Variants in APOL5 observed in about 807,000 individuals in gnomAD.
The protein encoded by APOL5 is apolipoprotein L5.
In APOL5, 29 loss-of-function variants were observed where a neutral mutation model predicts 35.5. That is an observed-to-expected ratio of 0.82 (90% CI 0.61 to 1.11). The LOEUF (loss-of-function observed/expected upper bound fraction) is 1.11, where lower values mean the gene tolerates loss of function less well. APOL5 is among the 50% of genes most tolerant of loss of function. APOL5 has a pLI of 0.00. For missense variants in APOL5, 514 were observed against 530.4 expected, an observed-to-expected ratio of 0.97 and a Z score of 0.30; for synonymous variants, 188 against 200.2, an observed-to-expected ratio of 0.94 and a Z score of 0.51.
the APOL5 span, among the ~76,000 whole-genome samples, chr22:35,711,010 TA>T: frequency 4.7e-4 from 72 of 151,930 alleles, no homozygotes; most frequent in African/African-American, 1.7e-3. Context: ...CTATTAAAAA[TA>T]AAAAAATATT....
At chr22:35,720,277 C>T (rs768167707) in intron 1 of APOL5, among the ~76,000 whole-genome samples, 11 of 152,312 alleles carry the variant, frequency 7.2e-5, no homozygotes, top group South Asian at 2.1e-4. Context: ...TAACGTATAA[C>T]GTCAACATTT....
At chr22:35,717,512 G>A (rs1237602356), upstream of APOL5, among the ~76,000 whole-genome samples, 7 of 151,140 alleles carry the variant, frequency 4.6e-5, no homozygotes, top group Admixed American at 4.6e-4. Flanking sequence ...GGCCAAGGCG[G>A]GCGGATCACC....
chr22:35,711,045 C>T, the APOL5 span, among the ~76,000 whole-genome samples: 5 of 152,126 alleles, frequency 3.3e-5, no homozygotes, highest in Admixed American at 2.0e-4. Context: ...GGCACATGCC[C>T]GTAATCCCCA....
upstream of APOL5, among the ~76,000 whole-genome samples, chr22:35,716,686 T>C (rs1926754132): frequency 1.3e-5 from 2 of 152,306 alleles, no homozygotes; most frequent in East Asian, 1.9e-4. Flanking sequence ...GAGCTAAGCC[T>C]GTTCACATTT....
intron 1 of APOL5, 95 bp from the exon 2 acceptor site, chr22:35,720,473 T>C: frequency 1.0e-6 from 1 of 972,504 alleles, no homozygotes; most frequent in Non-Finnish European, 1.6e-6. Flanking sequence ...TCTCCAATAT[T>C]GTAATTAGAC....
In APOL5 at chr22:35,728,747, C is replaced by T. The variant is rs774540854; in HGVS notation, c.1151C>T (p.Pro384Leu). The change falls in exon 4 of 5, where the codon CCT becomes CTT. Residue 384 changes from proline to leucine, a missense_variant. This residue lies in a region of APOL5 where 238 missense variants were observed against 229.1 expected (regional missense o/e 1.04). Transcript: ENST00000249044. ...GGGTCTCGCTCACCTCTCCCCTGGC[C>T]TGTTGTGGAGCACCAGCCTAGGCTG... The part of the protein sequence containing the change: ...PEGSRSPLPW[P>L]VVEHQPRLGP... 5.5e-5 allele frequency: 89 copies of T among 1,612,992 alleles called. No homozygotes were observed. Among genetic ancestry groups the T allele is most frequent in the Non-Finnish European group, 7.5e-5 (89 of 1,179,550 alleles).
chr22:35,710,970 C>T, the APOL5 span, among the ~76,000 whole-genome samples: 2 of 152,180 alleles, frequency 1.3e-5, no homozygotes, highest in Admixed American at 1.3e-4. Flanking sequence ...AGTTCAAGGC[C>T]AGACTGGCCA....
At chr22:35,720,434 T>G in intron 1 of APOL5, 134 bp from the exon 2 acceptor site, 2 of 673,538 alleles carry the variant, frequency 3.0e-6, no homozygotes, top group Non-Finnish European at 5.0e-6. Context: ...GACATTAAGA[T>G]TTTTGTTGTA....
rs1489097064 is a variant in APOL5 at position 35,727,068 on chromosome 22, A to G, written c.1000A>G (p.Lys334Glu). The change falls in exon 3 of 5, where the codon AAG (lysine) becomes GAG (glutamate). Residue 334 changes from lysine to glutamate, a missense_variant. Around this residue, in one of 3 missense-constraint regions of APOL5, gnomAD observed 238 missense variants for 229.1 expected, o/e 1.04. Coordinates refer to ENST00000249044, the MANE Select transcript of APOL5 (RefSeq NM_030642.1). ...AGCAGAGGAACTGAGAGCACTTGCT[A>G]AGAAGCTGGAGCAGGAGCTGGACCG... ...ETAEELRALAKKLEQELDRLT... is the reference protein window; with the variant it reads ...ETAEELRALAEKLEQELDRLT... 5.0e-6 allele frequency: 8 copies of G among 1,613,460 alleles called. No homozygotes were observed. The highest frequency in any genetic ancestry group is 4.0e-5 in the African/African-American group (3 of 74,934).
intron 4 of APOL5, 133 bp downstream of exon 4, chr22:35,729,037 C>T (rs1927277670): frequency 4.0e-6 from 4 of 1,008,552 alleles, no homozygotes; most frequent in South Asian, 2.0e-5. Context: ...CCTTTCCATC[C>T]GGCCACCTGC....
At position 35,726,451 on chromosome 22, in the gene APOL5, A is replaced by T. The variant is rs572539048; in HGVS notation, c.383A>T (p.Asp128Val). The T allele has an allele frequency of 6.8e-6, 11 of 1,614,180 alleles. No individual in the cohort carries two copies. In the South Asian group the frequency reaches 8.8e-5, roughly 13 times the overall value. ...CTTAACACCCTTGCGGACCAAGTTG[A>T]CACCACTCACGAGTTGCTTACCAAG... ...KELNTLADQVDTTHELLTKTS... is the reference protein window; with the variant it reads ...KELNTLADQVVTTHELLTKTS... The change falls in exon 3 of 5, where the codon GAC (aspartate) becomes GTC (valine). Residue 128 changes from aspartate (D) to valine (V), a missense_variant. Asp to Val is a radical substitution (Grantham distance 152, BLOSUM62 -3). Around this residue, in one of 3 missense-constraint regions of APOL5, gnomAD observed 254 missense variants for 254.7 expected, o/e 1.00. Coordinates refer to ENST00000249044, the MANE Select transcript of APOL5 (RefSeq NM_030642.1).
rs4821441 is a variant in APOL5, at chr22:35,726,764, G to A, written c.696G>A (p.Lys232=). The stretch of plus-strand genomic sequence containing the variant: ...AGGCTGCTGGCTTTTGTGTTAATAA[G>A]TGTGTAAAAGCTATCCAGGGCATCA... ...EIEAAGFCVN[K]CVKAIQGIKD... The change falls in exon 3 of 5, where the codon AAG becomes AAA. Residue 232 remains lysine, a synonymous_variant. Coordinates refer to ENST00000249044, the MANE Select transcript of APOL5 (RefSeq NM_030642.1). 84,464 of 1,614,168 alleles carry A rather than the reference G, an allele frequency of 0.052. 2,431 individuals carry two copies. The highest frequency in any genetic ancestry group is 0.091 in the Middle Eastern group (553 of 6,062).
the APOL5 span, among the ~76,000 whole-genome samples, chr22:35,709,858 C>T: frequency 6.6e-6 from 1 of 151,752 alleles, no homozygotes; most frequent in African/African-American, 2.4e-5. Context: ...TTTTTCTCTT[C>T]TCTTCTTTCC....
upstream of APOL5, among the ~76,000 whole-genome samples, chr22:35,716,295 CAG>C (rs1926741464): frequency 6.6e-6 from 1 of 152,136 alleles, no homozygotes; most frequent in South Asian, 2.1e-4. Flanking sequence ...GTTGTTGAGA[CAG>C]AGTCTCGCTC....
intron 1 of APOL5, 59 bp from the exon 2 acceptor site, chr22:35,720,509 T>C (rs1242376191): frequency 6.7e-7 from 1 of 1,499,510 alleles, no homozygotes; most frequent in Non-Finnish European, 9.3e-7. Context: ...AGCACTGTTA[T>C]GTCTTTTCGG....
At chr22:35,729,033 C>T in intron 4 of APOL5, 129 bp downstream of exon 4, 1 of 1,072,610 alleles carries the variant, frequency 9.3e-7, no homozygotes, top group Non-Finnish European at 1.3e-6. Flanking sequence ...GCTACCTTTC[C>T]ATCCGGCCAC....
At chr22:35,715,872 T>C (rs1926728602), upstream of APOL5, among the ~76,000 whole-genome samples, 1 of 152,164 alleles carries the variant, frequency 6.6e-6, no homozygotes, top group African/African-American at 2.4e-5. Context: ...CCTATCTATG[T>C]AGAGCATAGG....
chr22:35,715,774 C>T (rs2145993463), upstream of APOL5, among the ~76,000 whole-genome samples: 1 of 152,286 alleles, frequency 6.6e-6, no homozygotes, highest in African/African-American at 2.4e-5. Flanking sequence ...CAGGAAAGCG[C>T]AGATAACACA....
At chr22:35,710,373 C>T in the APOL5 span, among the ~76,000 whole-genome samples, 1 of 150,844 alleles carries the variant, frequency 6.6e-6, no homozygotes, top group South Asian at 2.1e-4. Flanking sequence ...AACTTCTGGG[C>T]TCAAGTGATC....
Sources: gnomAD v4.1 joint callset for allele counts (sites outside exome capture counted in the v4.1 genomes callset) on GRCh38, gnomAD v4.1.1 for gene constraint, gnomAD v4.1.1 regional missense constraint, MANE v1.5 for transcripts, NCBI Gene and HGNC (gene_info 2026-07-23, HGNC 2026-07-21) for gene names.